SLC8A3: variants seen among roughly 807,000 people sequenced by gnomAD.
SLC8A3 encodes the protein sodium/calcium exchanger 3.
In SLC8A3, 37 loss-of-function variants were observed where a neutral mutation model predicts 65.4. The observed-to-expected ratio is 0.57, with a 90% CI of 0.44 to 0.74. The LOEUF (loss-of-function observed/expected upper bound fraction) is 0.74, where lower values mean the gene tolerates loss of function less well. SLC8A3 is among the 30% of genes least tolerant of loss of function. The pLI is 0.00. For synonymous variants in SLC8A3, 461 were observed against 444.5 expected (o/e 1.04, Z -0.47); for missense variants, 1,112 against 1,172.1 (o/e 0.95, Z 0.75).
At chr14:70,135,527 G>T (rs1895131911) in intron 2 of SLC8A3, among the ~76,000 whole-genome samples, 1 of 152,116 alleles carries the variant, frequency 6.6e-6, no homozygotes, top group Non-Finnish European at 1.5e-5. Context: ...AAGAAGATAT[G>T]ATATACATAC....
At chr14:70,054,412 A>T (rs930260212) in intron 3 of SLC8A3, among the ~76,000 whole-genome samples, 1 of 151,916 alleles carries the variant, frequency 6.6e-6, no homozygotes, top group African/African-American at 2.4e-5. Flanking sequence ...GAAAAGAAAC[A>T]TTTCCTTTTT....
At chr14:70,063,878 C>G in intron 2 of SLC8A3, 1 of 1,613,010 alleles carries the variant, frequency 6.2e-7, no homozygotes. Context: ...TGAAGTAATT[C>G]TTGTTTTTCT....
rs1256121843 is a variant in SLC8A3, at chr14:70,167,437, T to C, written c.986A>G (p.Glu329Gly). The C allele has an allele frequency of 6.2e-7, 1 of 1,614,114 alleles. No individual in the cohort carries two copies. The highest frequency in any genetic ancestry group is 2.2e-5 in the East Asian group (1 of 44,876). Residue 329 changes from glutamate (E) to glycine (G), a missense_variant, in exon 2 of 7, where the codon GAG (glutamate) becomes GGG (glycine). By Grantham distance (98) the Glu-to-Gly change is moderately conservative (BLOSUM62 -2). Coordinates refer to ENST00000356921, the MANE Select transcript of SLC8A3 (RefSeq NM_182932.3). ...CTCCACCAGCTGATCTAAGTCCTTCTCTGGGTGTTTTTGCTTCAGATCCTT... is the reference window on the plus strand; with the variant it reads ...CTCCACCAGCTGATCTAAGTCCTTCCCTGGGTGTTTTTGCTTCAGATCCTT... ...ILKDLKQKHP[E>G]KDLDQLVEMA...
intron 2 of SLC8A3, among the ~76,000 whole-genome samples, chr14:70,078,679 A>T (rs1428595428): frequency 3.9e-5 from 6 of 152,244 alleles, no homozygotes; most frequent in Non-Finnish European, 8.8e-5. Context: ...CTCAGCACAT[A>T]CATTCAGTTT....
intron 2 of SLC8A3, among the ~76,000 whole-genome samples, chr14:70,107,826 G>A (rs1222882970): frequency 6.6e-6 from 1 of 152,110 alleles, no homozygotes; most frequent in African/African-American, 2.4e-5. Flanking sequence ...CACCACAGCA[G>A]ATAAATATTG....
In SLC8A3 at chr14:70,112,529, G is replaced by A. The variant is rs115344572; in HGVS notation, c.1785-51590C>T. ...TCCTGTCATCTCAAAGCCTGGATGC[G>A]GGAATGAAGAAAATGGACTGTAGAC... On this transcript the variant is annotated intron_variant, in intron 2 of 6. Coordinates refer to ENST00000356921, the MANE Select transcript of SLC8A3 (RefSeq NM_182932.3). Among the ~76,000 whole-genome samples, 543 of 152,264 alleles carry A rather than the reference G, an allele frequency of 3.6e-3. 2 individuals carry two copies. The highest frequency in any genetic ancestry group is 0.012 in the African/African-American group (489 of 41,536).
Position 70,052,001 on chromosome 14 carries a change from A to G in SLC8A3, c.2002T>C (p.Tyr668His). The G allele has an allele frequency of 2.5e-6, 4 of 1,613,420 alleles. No individual in the cohort carries two copies. Among genetic ancestry groups the G allele is most frequent in the Non-Finnish European group, 3.4e-6 (4 of 1,179,666 alleles). Residue 668 changes from tyrosine (Y) to histidine (H), a missense_variant, in exon 4 of 7, where the codon TAT (tyrosine) becomes CAT (histidine). Tyr to His is a moderately conservative substitution (Grantham distance 83). Coordinates refer to ENST00000356921, the MANE Select transcript of SLC8A3 (RefSeq NM_182932.3). ...ACTGTTTGCCTGACCTTGAACTCAT[A>G]GGACTCTTCAATGATGACTTCTAGT... ...PKLEVIIEES[Y>H]EFKTTVDKLI...
chr14:70,070,458 C>T (rs1889904285), intron 2 of SLC8A3, among the ~76,000 whole-genome samples: 1 of 152,160 alleles, frequency 6.6e-6, no homozygotes, highest in Non-Finnish European at 1.5e-5. Flanking sequence ...AAATAAGTGG[C>T]AGAGCTGGGA....
intron 1 of SLC8A3, among the ~76,000 whole-genome samples, chr14:70,175,618 G>T (rs1014342104): frequency 3.4e-4 from 52 of 152,146 alleles, no homozygotes; most frequent in African/African-American, 1.2e-3. Flanking sequence ...TAACACTTTG[G>T]TCATCCCTGA....
intron 2 of SLC8A3, among the ~76,000 whole-genome samples, chr14:70,161,439 T>C (rs1184416074): frequency 6.6e-6 from 1 of 151,432 alleles, no homozygotes; most frequent in Non-Finnish European, 1.5e-5. Flanking sequence ...GGCTCAGAAA[T>C]GGAGTCCCTT....
At chr14:70,164,812 T>A (rs985513648) in intron 2 of SLC8A3, among the ~76,000 whole-genome samples, 2 of 152,210 alleles carry the variant, frequency 1.3e-5, no homozygotes, top group Admixed American at 1.3e-4. Context: ...ATCGCGATAA[T>A]CATGTGAAAT....
intron 2 of SLC8A3, among the ~76,000 whole-genome samples, chr14:70,132,856 A>G (rs1894938016): frequency 6.6e-6 from 1 of 152,174 alleles, no homozygotes. Context: ...GATTCACTAC[A>G]TGACAGAAGG....
At chr14:70,049,110 G>T in intron 5 of SLC8A3, 68 bp from the exon 6 acceptor site, 1 of 1,462,574 alleles carries the variant, frequency 6.8e-7, no homozygotes, top group Non-Finnish European at 9.3e-7. Context: ...AGAAAGTCAA[G>T]CCCAACCCGC....
intron 2 of SLC8A3, among the ~76,000 whole-genome samples, chr14:70,090,884 C>A (rs920828791): frequency 6.6e-6 from 1 of 152,142 alleles, no homozygotes. Flanking sequence ...AATTCAGGTG[C>A]TTCTTACCAG....
intron 3 of SLC8A3, among the ~76,000 whole-genome samples, chr14:70,058,063 C>T (rs1490496521): frequency 6.6e-6 from 1 of 152,148 alleles, no homozygotes; most frequent in South Asian, 2.1e-4. Flanking sequence ...TTTTTTCCAT[C>T]CCCCAGCTCA....
At chr14:70,068,189 G>A (rs1889653238) in intron 2 of SLC8A3, among the ~76,000 whole-genome samples, 1 of 152,184 alleles carries the variant, frequency 6.6e-6, no homozygotes, top group African/African-American at 2.4e-5. Context: ...CTGCAAAGGG[G>A]AAGGGTTCTC....
At chr14:70,187,707 G>C (rs1190640236) in intron 1 of SLC8A3, among the ~76,000 whole-genome samples, 1 of 151,866 alleles carries the variant, frequency 6.6e-6, no homozygotes, top group Non-Finnish European at 1.5e-5. Context: ...TCTCCACCGA[G>C]TCCCGGATCA....
At chr14:70,174,944 G>A (rs547650393) in intron 1 of SLC8A3, among the ~76,000 whole-genome samples, 2 of 152,138 alleles carry the variant, frequency 1.3e-5, no homozygotes, top group Admixed American at 6.5e-5. Context: ...TGTAGAGAAT[G>A]TTGCAGTCGT....
At chr14:70,062,727 C>T (rs1180924785) in intron 2 of SLC8A3, among the ~76,000 whole-genome samples, 5 of 152,258 alleles carry the variant, frequency 3.3e-5, no homozygotes, top group East Asian at 3.9e-4. Flanking sequence ...CCTTGCTCAG[C>T]GGACAAAAGA....
Sources: gnomAD v4.1 joint callset for allele counts (sites outside exome capture counted in the v4.1 genomes callset) on GRCh38, gnomAD v4.1.1 for gene constraint, MANE v1.5 for transcripts, NCBI Gene and HGNC (gene_info 2026-07-23, HGNC 2026-07-21) for gene names.